Variants in AIDA observed in about 807,000 individuals in gnomAD.
AIDA encodes axin interactor, dorsalization-associated protein.
AIDA carries 18 observed loss-of-function variants against 42.7 expected under a neutral mutation model. The observed-to-expected ratio is 0.42, with a 90% CI of 0.29 to 0.63. AIDA has a LOEUF of 0.63. Among genes scored for constraint, AIDA ranks in the 20% least tolerant of loss-of-function variants. The pLI is 0.19. For synonymous variants in AIDA, 104 were observed against 122.9 expected, an observed-to-expected ratio of 0.85 and a Z score of 1.02; for missense variants, 250 against 354.1, an observed-to-expected ratio of 0.71 and a Z score of 2.36.
intron 1 of AIDA, among the ~76,000 whole-genome samples, chr1:222,709,302 G>A (rs999419842): frequency 3.3e-5 from 5 of 152,004 alleles, no homozygotes; most frequent in South Asian, 4.1e-4. Flanking sequence ...GTGGTAGTGC[G>A]CGCCTGTAAT....
chr1:222,686,123 T>C (rs2124955995), intron 6 of AIDA, among the ~76,000 whole-genome samples: 1 of 152,340 alleles, frequency 6.6e-6, no homozygotes, highest in Admixed American at 6.5e-5. Context: ...ATGGTGCCAC[T>C]GCACTCCAGC....
At chr1:222,704,924 G>T (rs567520735) in intron 1 of AIDA, among the ~76,000 whole-genome samples, 1 of 152,186 alleles carries the variant, frequency 6.6e-6, no homozygotes, top group Middle Eastern at 3.4e-3. Flanking sequence ...AATACAAAGG[G>T]TAGCAAGTGC....
intron 7 of AIDA, among the ~76,000 whole-genome samples, chr1:222,675,795 G>A (rs899395576): frequency 2.6e-5 from 4 of 152,214 alleles, no homozygotes; most frequent in African/African-American, 9.6e-5. Context: ...GGATGTATCT[G>A]CTGTTAAAGA....
chr1:222,678,471 T>C (rs904255098), intron 6 of AIDA, among the ~76,000 whole-genome samples: 1 of 152,162 alleles, frequency 6.6e-6, no homozygotes, highest in African/African-American at 2.4e-5. Context: ...CCTGTAATTG[T>C]CTAGATCTTT....
At position 222,670,006 on chromosome 1, in the gene AIDA, A is replaced by T; in HGVS notation, c.825-17T>A. On this transcript the variant is annotated splice_polypyrimidine_tract_variant and intron_variant, in intron 9 of 9. Coordinates refer to ENST00000340020, the MANE Select transcript of AIDA (RefSeq NM_022831.4). ...TTCTTGTATCTGTAATCACAACAGA[A>T]AGACCATTGTTTAAAATACATTGAT... 1.9e-6 allele frequency: 3 copies of T among 1,613,828 alleles called. No homozygotes were observed. Among genetic ancestry groups the T allele is most frequent in the Non-Finnish European group, 2.5e-6 (3 of 1,179,886 alleles).
chr1:222,690,008 C>G (rs1655330163), intron 4 of AIDA, among the ~76,000 whole-genome samples: 2 of 152,130 alleles, frequency 1.3e-5, no homozygotes, highest in South Asian at 4.1e-4. Flanking sequence ...TAAAAACTTA[C>G]CACTGTGTTA....
In AIDA at chr1:222,668,138, G is replaced by A. The variant is rs1286249824; in HGVS notation, c.*1755C>T. ...GATATACATATCTTATGGTTTATGA[G>A]AAAAGAGAAAAAATAATACATCGGT... On this transcript the variant is annotated 3_prime_UTR_variant, in exon 10 of 10. Transcript: ENST00000340020. 1 of 151,472 alleles carries A rather than the reference G, an allele frequency of 6.6e-6. No individual in the cohort carries two copies. Among genetic ancestry groups the A allele is most frequent in the Non-Finnish European group, 1.5e-5 (1 of 67,902 alleles). The allele number at this position is 151,472 out of a possible 1,614,324, so 9.4% of individuals were successfully genotyped here.
intron 1 of AIDA, among the ~76,000 whole-genome samples, chr1:222,703,676 A>G (rs1014320018): frequency 6.6e-6 from 1 of 152,234 alleles, no homozygotes; most frequent in African/African-American, 2.4e-5. Flanking sequence ...ACAAAGTGGT[A>G]ATAATCCATC....
chr1:222,701,640 T>C (rs899766800), intron 2 of AIDA, among the ~76,000 whole-genome samples: 1 of 152,014 alleles, frequency 6.6e-6, no homozygotes, highest in Non-Finnish European at 1.5e-5. Flanking sequence ...GTCATTATTT[T>C]CCAGGGCTAA....
chr1:222,688,676 T>C (rs1026681174), intron 4 of AIDA, among the ~76,000 whole-genome samples: 3 of 152,100 alleles, frequency 2.0e-5, no homozygotes, highest in Non-Finnish European at 2.9e-5. Flanking sequence ...CTCAGCTCAC[T>C]GCAACCTCTG....
chr1:222,686,549 T>C (rs1655191469), intron 6 of AIDA, among the ~76,000 whole-genome samples: 1 of 152,196 alleles, frequency 6.6e-6, no homozygotes, highest in South Asian at 2.1e-4. Context: ...GCACATCTTA[T>C]GTGACTCTAC....
At chr1:222,670,370 C>T in intron 8 of AIDA, 120 bp from the exon 9 acceptor site, 1 of 753,390 alleles carries the variant, frequency 1.3e-6, no homozygotes, top group African/African-American at 1.8e-5. Flanking sequence ...GACAAAACAA[C>T]TTGTGCCAGT....
chr1:222,697,465 CAG>C (rs1424800437), intron 2 of AIDA, among the ~76,000 whole-genome samples: 6 of 150,748 alleles, frequency 4.0e-5, no homozygotes, highest in Non-Finnish European at 8.9e-5. Flanking sequence ...ACAGATGACT[CAG>C]AAAAATGATT....
At chr1:222,698,108 T>C (rs139382747) in intron 2 of AIDA, among the ~76,000 whole-genome samples, 2 of 152,312 alleles carry the variant, frequency 1.3e-5, no homozygotes, top group East Asian at 3.9e-4. Flanking sequence ...GTTGTTATAA[T>C]GACAACACTA....
At chr1:222,699,929 G>GC (rs1474119730) in intron 2 of AIDA, among the ~76,000 whole-genome samples, 1 of 151,960 alleles carries the variant, frequency 6.6e-6, no homozygotes, top group Non-Finnish European at 1.5e-5. Flanking sequence ...CCGCCACCAC[G>GC]CTGGCTAATT....
chr1:222,670,118 A>T lies in AIDA; in HGVS notation c.824+15T>A. 6.2e-7 allele frequency: 1 copy of T among 1,611,706 alleles called. No homozygotes were observed. The highest frequency in any genetic ancestry group is 8.5e-7 in the Non-Finnish European group (1 of 1,177,838). On this transcript the variant is annotated intron_variant, in intron 9 of 9. Coordinates refer to ENST00000340020, the MANE Select transcript of AIDA (RefSeq NM_022831.4). ...ACCATCAAATTAGTACTAATTCTAT[A>T]TGCACATCACTTACAGTTCTATTAC...
At chr1:222,712,110 C>T (rs927120486) in intron 1 of AIDA, 98 bp downstream of exon 1, 3 of 1,529,416 alleles carry the variant, frequency 2.0e-6, no homozygotes, top group Non-Finnish European at 2.6e-6. Context: ...CCCTGAGAAG[C>T]CTTGGCTGCA....
At chr1:222,692,242 C>T (rs1381881954) in intron 4 of AIDA, among the ~76,000 whole-genome samples, 1 of 152,074 alleles carries the variant, frequency 6.6e-6, no homozygotes, top group Non-Finnish European at 1.5e-5. Context: ...TAAATGAACA[C>T]AAAGTACATC....
chr1:222,669,995 A>G lies in AIDA; in HGVS notation c.825-6T>C, dbSNP rs113869934. The stretch of plus-strand genomic sequence containing the variant: ...AGTCAGTGGGTTTCTTGTATCTGTA[A>G]TCACAACAGAAAGACCATTGTTTAA... On this transcript the variant is annotated splice_polypyrimidine_tract_variant and splice_region_variant and intron_variant, in intron 9 of 9. Transcript: ENST00000340020. The G allele has an allele frequency of 6.2e-7, 1 of 1,614,154 alleles. No homozygotes were observed. The highest frequency in any genetic ancestry group is 1.1e-5 in the South Asian group (1 of 91,080).
Sources: allele counts gnomAD v4.1 joint callset (sites outside exome capture counted in the v4.1 genomes callset), GRCh38; gene constraint gnomAD v4.1.1; transcripts MANE v1.5; gene names NCBI Gene and HGNC (gene_info 2026-07-23, HGNC 2026-07-21).